RAP1GDS1: variants seen among roughly 807,000 people sequenced by gnomAD.
RAP1GDS1 encodes Rap1 GTPase-GDP dissociation stimulator 1.
In RAP1GDS1, 35 loss-of-function variants were observed where a neutral mutation model predicts 71.1. That is an observed-to-expected ratio of 0.49 (90% CI 0.38 to 0.65). RAP1GDS1 has a LOEUF of 0.65. Ranked by LOEUF, RAP1GDS1 falls within the 30% of genes least tolerant of loss-of-function variation. The probability of loss-of-function intolerance (pLI) is 0.00; values close to 1 mark genes in which losing one functional copy is unlikely to be tolerated. For missense variants in RAP1GDS1, 663 were observed against 706.1 expected (o/e 0.94, Z 0.69); for synonymous variants, 229 against 243.1 (o/e 0.94, Z 0.54).
At chr4:98,360,939 C>G (rs577722375) in intron 4 of RAP1GDS1, among the ~76,000 whole-genome samples, 1 of 151,872 alleles carries the variant, frequency 6.6e-6, no homozygotes, top group Non-Finnish European at 1.5e-5. Flanking sequence ...CAAAACAAAA[C>G]TAGCCAGGCA....
rs142198663 is a variant in RAP1GDS1 at position 98,265,122 on chromosome 4, T to C, written c.4+3553T>C. Among the ~76,000 whole-genome samples, 627 of 152,310 alleles carry C rather than the reference T, an allele frequency of 4.1e-3. 10 individuals are homozygous for C. Among genetic ancestry groups the C allele is most frequent in the African/African-American group, 0.015 (603 of 41,572 alleles). On this transcript the variant is annotated intron_variant, in intron 1 of 14. Coordinates refer to ENST00000408927, the MANE Select transcript of RAP1GDS1 (RefSeq NM_001100427.2). ...GTGCAGGATCGATTAGATGAGAAAC[T>C]ACAGAACACTTCAGAAGATTGTTGT...
chr4:98,363,908 T>C (rs1182328623), intron 4 of RAP1GDS1, among the ~76,000 whole-genome samples: 1 of 152,048 alleles, frequency 6.6e-6, no homozygotes, highest in African/African-American at 2.4e-5. Flanking sequence ...ATGGATTGGA[T>C]TGGGAAAGTG....
intron 1 of RAP1GDS1, among the ~76,000 whole-genome samples, chr4:98,289,932 T>C (rs1253699027): frequency 1.3e-5 from 2 of 151,984 alleles, no homozygotes; most frequent in African/African-American, 2.4e-5. Context: ...ATGTGGATAG[T>C]GATGCTTTCA....
intron 5 of RAP1GDS1, among the ~76,000 whole-genome samples, chr4:98,381,490 A>G (rs1410255959): frequency 6.6e-6 from 1 of 151,612 alleles, no homozygotes; most frequent in Non-Finnish European, 1.5e-5. Context: ...CTTAAAATTT[A>G]TGTTTGAAGA....
chr4:98,344,979 A>G (rs764475153), intron 3 of RAP1GDS1, among the ~76,000 whole-genome samples: 7 of 152,080 alleles, frequency 4.6e-5, no homozygotes, highest in Non-Finnish European at 8.8e-5. Context: ...ATGTGCCACC[A>G]TGCCTGGCTA....
At chr4:98,320,479 T>A (rs1731663363) in intron 2 of RAP1GDS1, among the ~76,000 whole-genome samples, 1 of 152,210 alleles carries the variant, frequency 6.6e-6, no homozygotes, top group Non-Finnish European at 1.5e-5. Context: ...GGTCTACAGC[T>A]CCCAGCGTGA....
intron 7 of RAP1GDS1, among the ~76,000 whole-genome samples, chr4:98,415,400 T>C (rs956590152): frequency 6.6e-6 from 1 of 152,172 alleles, no homozygotes; most frequent in Non-Finnish European, 1.5e-5. Flanking sequence ...GATAACAGGA[T>C]TAAGAGATTA....
chr4:98,366,970 C>G (rs1739589888), intron 4 of RAP1GDS1, among the ~76,000 whole-genome samples: 3 of 152,188 alleles, frequency 2.0e-5, no homozygotes, highest in South Asian at 4.1e-4. Flanking sequence ...TTCAAGCCAT[C>G]TGCAGAAATC....
intron 5 of RAP1GDS1, among the ~76,000 whole-genome samples, chr4:98,387,966 TAA>T (rs1336252850): frequency 1.3e-5 from 2 of 152,166 alleles, no homozygotes; most frequent in Non-Finnish European, 2.9e-5. Context: ...GTCTTTCGCT[TAA>T]AAGTCATACT....
intron 4 of RAP1GDS1, among the ~76,000 whole-genome samples, chr4:98,378,775 A>C (rs1036990168): frequency 6.6e-6 from 1 of 151,956 alleles, no homozygotes. Flanking sequence ...GTAAGCTCCT[A>C]TATGATGCCA....
intron 2 of RAP1GDS1, among the ~76,000 whole-genome samples, chr4:98,308,930 T>C (rs1343264026): frequency 1.3e-5 from 2 of 152,046 alleles, no homozygotes; most frequent in African/African-American, 4.8e-5. Context: ...CACCAGAAAA[T>C]TGTTTACACT....
intron 4 of RAP1GDS1, among the ~76,000 whole-genome samples, chr4:98,366,942 T>A (rs1270726106): frequency 6.6e-6 from 1 of 152,180 alleles, no homozygotes; most frequent in African/African-American, 2.4e-5. Context: ...AAGAAAATTC[T>A]ATTTTTCTGA....
intron 4 of RAP1GDS1, among the ~76,000 whole-genome samples, chr4:98,359,918 G>T (rs890777400): frequency 6.6e-6 from 1 of 152,178 alleles, no homozygotes; most frequent in African/African-American, 2.4e-5. Context: ...TACTCAGATA[G>T]TTTATTATCA....
At chr4:98,435,710 T>C (rs1751033105) in intron 13 of RAP1GDS1, among the ~76,000 whole-genome samples, 1 of 152,074 alleles carries the variant, frequency 6.6e-6, no homozygotes, top group Admixed American at 6.5e-5. Context: ...TTTTTGACTG[T>C]TGAGTTTTGA....
intron 1 of RAP1GDS1, among the ~76,000 whole-genome samples, chr4:98,272,229 C>T (rs1028996288): frequency 1.2e-4 from 19 of 152,098 alleles, no homozygotes; most frequent in African/African-American, 2.9e-4. Flanking sequence ...TATTACTAGG[C>T]GCAAACACAT....
intron 1 of RAP1GDS1, among the ~76,000 whole-genome samples, chr4:98,272,051 C>T (rs1723534943): frequency 6.6e-6 from 1 of 152,136 alleles, no homozygotes; most frequent in African/African-American, 2.4e-5. Context: ...CCAGGTGATG[C>T]CACACTGGGA....
chr4:98,310,313 A>G (rs1730015380), intron 2 of RAP1GDS1, among the ~76,000 whole-genome samples: 2 of 151,370 alleles, frequency 1.3e-5, no homozygotes, highest in Non-Finnish European at 2.9e-5. Context: ...ATTTATCATA[A>G]TAAGTGCTAT....
chr4:98,276,240 A>C (rs758377378), intron 1 of RAP1GDS1, among the ~76,000 whole-genome samples: 1 of 152,090 alleles, frequency 6.6e-6, no homozygotes, highest in Non-Finnish European at 1.5e-5. Context: ...CACTCTAATG[A>C]CCTAATCACC....
At chr4:98,404,120 C>A (rs4699625) in intron 6 of RAP1GDS1, among the ~76,000 whole-genome samples, 11,598 of 152,104 alleles carry the variant, frequency 0.076, 493 homozygotes, top group Admixed American at 0.14. Flanking sequence ...AGAAAACATT[C>A]CACTTTAATG....
Sources: allele counts gnomAD v4.1 joint callset (sites outside exome capture counted in the v4.1 genomes callset), GRCh38; gene constraint gnomAD v4.1.1; transcripts MANE v1.5; gene names NCBI Gene and HGNC (gene_info 2026-07-23, HGNC 2026-07-21).